OPRK1: variants seen among roughly 807,000 people sequenced by gnomAD.
The protein encoded by OPRK1 is opioid receptor kappa 1, also known as kappa-type opioid receptor.
In OPRK1, 15 loss-of-function variants were observed where a neutral mutation model predicts 24.5. The observed-to-expected ratio is 0.61, with a 90% confidence interval of 0.41 to 0.94. The LOEUF is 0.94. Among genes scored for constraint, OPRK1 ranks in the 40% least tolerant of loss-of-function variants. OPRK1 has a pLI of 0.00. For synonymous variants in OPRK1, 205 were observed against 198.0 expected (o/e 1.04, Z -0.30); for missense variants, 479 against 507.3 (o/e 0.94, Z 0.54).
At chr8:53,247,841 C>T (rs1807269615) in intron 2 of OPRK1, among the ~76,000 whole-genome samples, 1 of 151,654 alleles carries the variant, frequency 6.6e-6, no homozygotes, top group South Asian at 2.1e-4. Flanking sequence ...ACCAAAAATA[C>T]AAAAATTAGC....
chr8:53,250,080 C>A (rs1389340268), intron 2 of OPRK1, among the ~76,000 whole-genome samples: 4 of 150,660 alleles, frequency 2.7e-5, no homozygotes, highest in African/African-American at 9.9e-5. Flanking sequence ...CACACACACA[C>A]ACACACACAC....
chr8:53,230,453 C>T (rs1806824007), intron 3 of OPRK1, among the ~76,000 whole-genome samples: 1 of 152,014 alleles, frequency 6.6e-6, no homozygotes, highest in Non-Finnish European at 1.5e-5. Flanking sequence ...ACAAGTAAAA[C>T]CTTTGGAGGA....
intron 2 of OPRK1, among the ~76,000 whole-genome samples, chr8:53,239,666 C>A (rs1239494441): frequency 6.6e-6 from 1 of 152,178 alleles, no homozygotes; most frequent in Non-Finnish European, 1.5e-5. Context: ...TTAAATGAGA[C>A]ATGCATAAAA....
Position 53,229,771 on chromosome 8 carries a change from G to T in OPRK1, c.669C>A (p.Asp223Glu). ...TGAAGACGCAGATCTTCATGAAGAGGTCCCACCAGGAGTAGTCATCATCTG... is the reference window on the plus strand; with the variant it reads ...TGAAGACGCAGATCTTCATGAAGAGTTCCCACCAGGAGTAGTCATCATCTG... ...QFPDDDYSWW[D>E]LFMKICVFIF... Residue 223 changes from aspartate (D) to glutamate (E), a missense_variant, in exon 4 of 4, where the codon GAC becomes GAA. Transcript: ENST00000265572. 6.2e-7 allele frequency: 1 copy of T among 1,611,832 alleles called. No individual in the cohort carries two copies. The highest frequency in any genetic ancestry group is 8.5e-7 in the Non-Finnish European group (1 of 1,178,990).
In OPRK1 at chr8:53,234,792, C is replaced by T; in HGVS notation, c.577G>A (p.Ala193Thr). The T allele has an allele frequency of 6.2e-7, 1 of 1,614,128 alleles. No individual in the cohort carries two copies. Among genetic ancestry groups the T allele is most frequent in the Non-Finnish European group, 8.5e-7 (1 of 1,179,998 alleles). Residue 193 changes from alanine to threonine, a missense_variant, in exon 3 of 4, where the codon GCA becomes ACA. Transcript: ENST00000265572. ...ACTTTGGTGCCTCCAAGGACTATTG[C>T]AGAGATGCCAACAGATGACGACAGC... ...WLLSSSVGIS[A>T]IVLGGTKVRE...
At chr8:53,244,138 A>G (rs949500560) in intron 2 of OPRK1, among the ~76,000 whole-genome samples, 2 of 152,204 alleles carry the variant, frequency 1.3e-5, no homozygotes, top group East Asian at 3.9e-4. Context: ...AGACAGCCAC[A>G]TAGTTCTGGT....
chr8:53,229,981 A>G, intron 3 of OPRK1, 152 bp from the exon 4 acceptor site: 1 of 680,460 alleles, frequency 1.5e-6, no homozygotes. Flanking sequence ...CCAAATTACT[A>G]ATGAATACTG....
In OPRK1 at chr8:53,251,081, C is replaced by G; in HGVS notation, c.-44G>C. On this transcript the variant is annotated 5_prime_UTR_variant, in exon 2 of 4. Coordinates refer to ENST00000265572, the MANE Select transcript of OPRK1 (RefSeq NM_000912.5). ...GGAAGGCGAGGACAGGCGGCACCTG[C>G]GGCGCTGCGGGAGCGAAAGAACCGG... is the stretch of plus-strand genomic sequence containing the variant. 6 of 1,445,428 alleles carry G rather than the reference C, an allele frequency of 4.2e-6. No homozygotes were observed. The highest frequency in any genetic ancestry group is 4.5e-6 in the Non-Finnish European group (5 of 1,105,864). 89.5% of individuals were successfully genotyped at this position (1,445,428 alleles called of 1,614,324 possible).
chr8:53,244,186 C>G (rs1368719691), intron 2 of OPRK1, among the ~76,000 whole-genome samples: 1 of 151,946 alleles, frequency 6.6e-6, no homozygotes, highest in East Asian at 1.9e-4. Flanking sequence ...CCCAGACTGG[C>G]CCAGGGGTGA....
At chr8:53,247,475 A>G (rs966084904) in intron 2 of OPRK1, among the ~76,000 whole-genome samples, 1 of 152,196 alleles carries the variant, frequency 6.6e-6, no homozygotes, top group Non-Finnish European at 1.5e-5. Context: ...TGCTTGACAC[A>G]TATTAAGTGT....
At chr8:53,235,848 G>A (rs1375671861) in intron 2 of OPRK1, among the ~76,000 whole-genome samples, 1 of 152,142 alleles carries the variant, frequency 6.6e-6, no homozygotes, top group East Asian at 1.9e-4. Flanking sequence ...TTTCAAGGTA[G>A]GTAAGAAAGA....
chr8:53,242,850 CCAG>C, intron 2 of OPRK1: 2 of 1,280,452 alleles, frequency 1.6e-6, no homozygotes, highest in Non-Finnish European at 2.0e-6. Flanking sequence ...CGGCTTCACA[CCAG>C]TCCCTTTGGG....
At position 53,229,253 on chromosome 8, in the gene OPRK1, TC is replaced by T; in HGVS notation, c.*43del. On this transcript the variant is annotated 3_prime_UTR_variant, in exon 4 of 4. Transcript: ENST00000265572. ...CTGAGTTAAACCTAGATCATTGAAC[TC>T]CTCTCTTCCCGAAGAACTGTACGAA... is the stretch of plus-strand genomic sequence containing the variant. 4 of 1,570,826 alleles carry T rather than the reference TC, an allele frequency of 2.5e-6. No individual in the cohort carries two copies. Among genetic ancestry groups the T allele is most frequent in the Non-Finnish European group, 3.5e-6 (4 of 1,157,676 alleles).
chr8:53,250,756 A>G, intron 2 of OPRK1, 25 bp downstream of exon 2: 1 of 1,573,394 alleles, frequency 6.4e-7, no homozygotes, highest in Non-Finnish European at 8.6e-7. Flanking sequence ...CCCAGCCCCC[A>G]GCGCTGCGCT....
In OPRK1 at chr8:53,234,182, C is replaced by CAAAAAAAAAAAAAAAAAAAAAAAAAA. The variant is rs546459906; in HGVS notation, c.610+576_610+577insTTTTTTTTTTTTTTTTTTTTTTTTTT. On this transcript the variant is annotated intron_variant, in intron 3 of 3. Transcript: ENST00000265572. Reference sequence around the variant, plus strand: ...CTGGCAACAGAGCAAGACTCTCTCTCAAAAAAAAAAAAAAAAAAAAATCAG... The same window carrying CAAAAAAAAAAAAAAAAAAAAAAAAAA: ...CTGGCAACAGAGCAAGACTCTCTCTCAAAAAAAAAAAAAAAAAAAAAAAAAAAAAAAAAAAAAAAAAAAAAAATCAG... Among the ~76,000 whole-genome samples the CAAAAAAAAAAAAAAAAAAAAAAAAAA allele has an allele frequency of 8.3e-4, 54 of 65,338 alleles. 7 individuals carry two copies. Among genetic ancestry groups the CAAAAAAAAAAAAAAAAAAAAAAAAAA allele is most frequent in the African/African-American group, 1.4e-3 (17 of 12,458 alleles). The allele number at this position is 65,338 out of a possible 152,430, so 42.9% of individuals were successfully genotyped here.
Position 53,226,099 on chromosome 8 carries a change from T to G in OPRK1, c.*3198A>C, listed in dbSNP as rs1336253427. ...CTAGATGAAACACCTATAAATTGTC[T>G]GACAATAGTTATACACGTTTAAGAA... On this transcript the variant is annotated 3_prime_UTR_variant, in exon 4 of 4. Coordinates refer to ENST00000265572, the MANE Select transcript of OPRK1 (RefSeq NM_000912.5). The G allele has an allele frequency of 6.6e-6, 1 of 152,234 alleles. No homozygotes were observed. Among genetic ancestry groups the G allele is most frequent in the Non-Finnish European group, 1.5e-5 (1 of 68,044 alleles). 9.4% of individuals were successfully genotyped at this position (152,234 alleles called of 1,614,324 possible). A position where few individuals can be genotyped will look rare whatever the true frequency, so the allele number is the denominator to read the frequency against.
rs567226867 is a variant in OPRK1 at position 53,226,399 on chromosome 8, C to G, written c.*2898G>C. On this transcript the variant is annotated 3_prime_UTR_variant, in exon 4 of 4. Coordinates refer to ENST00000265572, the MANE Select transcript of OPRK1 (RefSeq NM_000912.5). ...GTTCATTTCTCTGTGCCTTCTCTGA[C>G]CCCTCGTTAGGACCTGTCTTCCAGA... The G allele has an allele frequency of 6.6e-6, 1 of 152,320 alleles. No individual in the cohort carries two copies. The highest frequency in any genetic ancestry group is 1.9e-4 in the East Asian group (1 of 5,168). The allele number at this position is 152,320 out of a possible 1,614,324, so 9.4% of individuals were successfully genotyped here. A position where few individuals can be genotyped will look rare whatever the true frequency, so the allele number is the denominator to read the frequency against.
At chr8:53,238,567 CA>C (rs1282704399) in intron 2 of OPRK1, 1 of 985,502 alleles carries the variant, frequency 1.0e-6, no homozygotes, top group East Asian at 1.1e-4. Context: ...GGCCAGGCAA[CA>C]GGGCGGAGGG....
chr8:53,249,253 T>C (rs778810141), intron 2 of OPRK1, among the ~76,000 whole-genome samples: 31 of 152,214 alleles, frequency 2.0e-4, no homozygotes, highest in Non-Finnish European at 4.0e-4. Context: ...TAGAGCTTTC[T>C]TTTGCTTAAC....
Sources: gnomAD v4.1 joint callset for allele counts (sites outside exome capture counted in the v4.1 genomes callset) on GRCh38, gnomAD v4.1.1 for gene constraint, MANE v1.5 for transcripts, NCBI Gene and HGNC (gene_info 2026-07-23, HGNC 2026-07-21) for gene names.